CD59: variants seen among roughly 807,000 people sequenced by gnomAD.
CD59 encodes the protein CD59 glycoprotein.
Under a neutral mutation model 7.0 loss-of-function variants are expected in CD59, and 3 were observed. The ratio of observed to expected loss-of-function variants is 0.43; its 90% CI spans 0.19 to 1.10. The LOEUF is 1.10. CD59 is among the 50% of genes least tolerant of loss of function. CD59 has a pLI of 0.29. For missense variants in CD59, 143 were observed against 151.0 expected (o/e 0.95, Z 0.28); for synonymous variants, 60 against 62.0 (o/e 0.97, Z 0.15).
chr11:33,729,819 C>T (rs1854361985), intron 1 of CD59, among the ~76,000 whole-genome samples: 1 of 151,782 alleles, frequency 6.6e-6, no homozygotes, highest in African/African-American at 2.4e-5. Flanking sequence ...AGTAGGAAAA[C>T]GTGTTACTGT....
Position 33,705,490 on chromosome 11 carries a change from T to G in CD59, c.*4636A>C, listed in dbSNP as rs1009742880. The G allele has an allele frequency of 2.0e-5, 3 of 152,234 alleles. No homozygotes were observed. The highest frequency in any genetic ancestry group is 4.4e-5 in the Non-Finnish European group (3 of 68,066). 9.4% of individuals were successfully genotyped at this position (152,234 alleles called of 1,614,324 possible). On this transcript the variant is annotated 3_prime_UTR_variant, in exon 4 of 4. Transcript: ENST00000642928. ...GAGTCTTCTGGCTTTCTTCCACTCT[T>G]CCTGCTCTTGGACATCAGACTCCAG...
intron 1 of CD59, among the ~76,000 whole-genome samples, chr11:33,735,607 C>T (rs1854543965): frequency 6.6e-6 from 1 of 152,114 alleles, no homozygotes; most frequent in Non-Finnish European, 1.5e-5. Flanking sequence ...GAAAACAAAA[C>T]ATCACGTTGT....
Position 33,709,799 on chromosome 11 carries a change from G to C in CD59, c.*327C>G. 1 of 456,184 alleles carries C rather than the reference G, an allele frequency of 2.2e-6. No homozygotes were observed. The highest frequency in any genetic ancestry group is 2.2e-5 in the South Asian group (1 of 46,052). The allele number at this position is 456,184 out of a possible 1,614,324, so 28.3% of individuals were successfully genotyped here. A position where few individuals can be genotyped will look rare whatever the true frequency, so the allele number is the denominator to read the frequency against. ...ACTGACTACATCCAAGGAGCCAGAG[G>C]AAAAATAATCTGAGGGCTGCAGAGA... On this transcript the variant is annotated 3_prime_UTR_variant, in exon 4 of 4. Transcript: ENST00000642928.
At chr11:33,733,472 T>C (rs561328258) in intron 1 of CD59, 5 of 152,032 alleles carry the variant, frequency 3.3e-5, no homozygotes, top group South Asian at 4.1e-4. Flanking sequence ...ATACAAAAAT[T>C]AGCCAGATGT....
At chr11:33,728,252 G>C (rs546027306) in intron 1 of CD59, among the ~76,000 whole-genome samples, 1 of 152,022 alleles carries the variant, frequency 6.6e-6, no homozygotes, top group African/African-American at 2.4e-5. Flanking sequence ...GAGGCATCAC[G>C]CTACCTGACT....
At position 33,709,748 on chromosome 11, in the gene CD59, C is replaced by A; in HGVS notation, c.*378G>T. ...GGATGCTCATATACTCCTGCCCCAC[C>A]CTCCAAAGATGTACTAATGATGCTA... is the stretch of plus-strand genomic sequence containing the variant. On this transcript the variant is annotated 3_prime_UTR_variant, in exon 4 of 4. Transcript: ENST00000642928. The A allele has an allele frequency of 2.8e-6, 1 of 354,190 alleles. No individual in the cohort carries two copies. The highest frequency in any genetic ancestry group is 5.4e-6 in the Non-Finnish European group (1 of 185,572). The allele number at this position is 354,190 out of a possible 1,614,324, so 21.9% of individuals were successfully genotyped here.
chr11:33,732,603 C>A (rs1446236996), intron 1 of CD59, among the ~76,000 whole-genome samples: 1 of 152,228 alleles, frequency 6.6e-6, no homozygotes, highest in African/African-American at 2.4e-5. Flanking sequence ...GTGTTAACTT[C>A]CATTTGGTGA....
intron 1 of CD59, among the ~76,000 whole-genome samples, chr11:33,732,592 T>C (rs1854451907): frequency 6.6e-6 from 1 of 152,240 alleles, no homozygotes; most frequent in Non-Finnish European, 1.5e-5. Flanking sequence ...ACCTTGTTCC[T>C]GTGTTAACTT....
At chr11:33,711,681 A>C (rs2133528255) in intron 3 of CD59, among the ~76,000 whole-genome samples, 1 of 151,992 alleles carries the variant, frequency 6.6e-6, no homozygotes, top group African/African-American at 2.4e-5. Flanking sequence ...TGCCTCTTTA[A>C]AAAAAAATGG....
In CD59 at chr11:33,717,415, C is replaced by T. The variant is rs763958932; in HGVS notation, c.124G>A (p.Val42Ile). 8.1e-6 allele frequency: 13 copies of T among 1,613,464 alleles called. 1 individual carries two copies. Among genetic ancestry groups the T allele is most frequent in the East Asian group, 4.5e-5 (2 of 44,878 alleles). The stretch of plus-strand genomic sequence containing the variant: ...GCATCAAAATCAGATGAACAATTGA[C>T]GGCTGTTTTGCAGTCAGCAGTTGGG... ...PNPTADCKTA[V>I]NCSSDFDACL... Residue 42 changes from valine to isoleucine, a missense_variant, in exon 3 of 4, where the codon GTC becomes ATC. By Grantham distance (29) the Val-to-Ile change is conservative. Coordinates refer to ENST00000642928, the MANE Select transcript of CD59 (RefSeq NM_000611.6).
At chr11:33,734,199 C>T (rs961045007) in intron 1 of CD59, among the ~76,000 whole-genome samples, 1 of 152,186 alleles carries the variant, frequency 6.6e-6, no homozygotes, top group Non-Finnish European at 1.5e-5. Context: ...ACTCAGTTCA[C>T]GGAACAAATT....
At chr11:33,711,296 C>T (rs979469419) in intron 3 of CD59, 1 of 644,476 alleles carries the variant, frequency 1.6e-6, no homozygotes, top group African/African-American at 1.8e-5. Context: ...GCAAGACCCC[C>T]TCTCTATTTC....
chr11:33,732,972 G>A (rs1414166210), intron 1 of CD59, among the ~76,000 whole-genome samples: 1 of 152,208 alleles, frequency 6.6e-6, no homozygotes, highest in Non-Finnish European at 1.5e-5. Context: ...AAAGACTCAT[G>A]ACCGACAACA....
At chr11:33,721,581 A>C (rs1023574174) in intron 2 of CD59, among the ~76,000 whole-genome samples, 1 of 152,222 alleles carries the variant, frequency 6.6e-6, no homozygotes. Context: ...AGACAACCAC[A>C]CTTGATCTTT....
chr11:33,724,488 T>C (rs780902036), intron 1 of CD59, among the ~76,000 whole-genome samples: 5 of 152,188 alleles, frequency 3.3e-5, no homozygotes, highest in Non-Finnish European at 2.9e-5. Context: ...CTAGTAAGCA[T>C]GGAGATAGTT....
chr11:33,716,959 G>T lies in CD59; in HGVS notation c.169+411C>A, dbSNP rs184251026. 1.8e-4 allele frequency among the ~76,000 whole-genome samples: 27 copies of T among 152,296 alleles called. No homozygotes were observed. The East Asian group carries it at 3.9e-3, about 22-fold the overall frequency. On this transcript the variant is annotated intron_variant, in intron 3 of 3. Coordinates refer to ENST00000642928, the MANE Select transcript of CD59 (RefSeq NM_000611.6). ...ACAGGCCTTTGTCATAATTTTAATT[G>T]TATGTGTCCTTTCTTTATCTTTGCA...
At chr11:33,711,375 A>G in intron 3 of CD59, 1 of 701,322 alleles carries the variant, frequency 1.4e-6, no homozygotes, top group Non-Finnish European at 2.6e-6. Flanking sequence ...CTACAATAAA[A>G]AGACTAACCC....
intron 3 of CD59, among the ~76,000 whole-genome samples, chr11:33,715,549 A>C (rs1853751348): frequency 6.6e-6 from 1 of 152,172 alleles, no homozygotes; most frequent in African/African-American, 2.4e-5. Flanking sequence ...GCAGTGAGCC[A>C]AGATTGCACC....
Position 33,727,426 on chromosome 11 carries a change from T to A in CD59, c.-18-4963A>T, listed in dbSNP as rs187742681. On this transcript the variant is annotated intron_variant, in intron 1 of 3. Coordinates refer to ENST00000642928, the MANE Select transcript of CD59 (RefSeq NM_000611.6). ...AACAGAACCAACGACAAAAACCACA[T>A]GATTATCTCAATAGACACAGAAAAC... is the stretch of plus-strand genomic sequence containing the variant. Among the ~76,000 whole-genome samples the A allele has an allele frequency of 3.8e-3, 580 of 152,246 alleles. 2 individuals are homozygous for A. Among genetic ancestry groups the A allele is most frequent in the African/African-American group, 0.013 (554 of 41,548 alleles).
Sources: allele counts gnomAD v4.1 joint callset (sites outside exome capture counted in the v4.1 genomes callset), GRCh38; gene constraint gnomAD v4.1.1; transcripts MANE v1.5; gene names NCBI Gene and HGNC (gene_info 2026-07-23, HGNC 2026-07-21).